SLC35A1: variants seen among roughly 807,000 people sequenced by gnomAD.
SLC35A1 encodes the protein CMP-sialic acid transporter.
In SLC35A1, 21 loss-of-function variants were observed where a neutral mutation model predicts 40.3. That is an observed-to-expected ratio of 0.52 (90% confidence interval 0.37 to 0.75). The LOEUF (loss-of-function observed/expected upper bound fraction) is 0.75. Ranked by LOEUF, SLC35A1 falls within the 30% of genes least tolerant of loss-of-function variation. The pLI is 0.00. For missense variants in SLC35A1, 297 were observed against 382.1 expected (o/e 0.78, Z 1.86); for synonymous variants, 146 against 147.3 (o/e 0.99, Z 0.06).
At chr6:87,486,886 A>G (rs1769406785) in intron 2 of SLC35A1, among the ~76,000 whole-genome samples, 1 of 152,104 alleles carries the variant, frequency 6.6e-6, no homozygotes, top group Admixed American at 6.6e-5. Flanking sequence ...TAGAAAAATC[A>G]TTGAGTGGAG....
intron 2 of SLC35A1, among the ~76,000 whole-genome samples, chr6:87,480,475 C>G (rs1414768856): frequency 1.3e-5 from 2 of 152,178 alleles, no homozygotes; most frequent in Non-Finnish European, 2.9e-5. Context: ...GCATTTACAT[C>G]TTTATACCCT....
chr6:87,499,253 C>T, intron 2 of SLC35A1: 1 of 294,208 alleles, frequency 3.4e-6, no homozygotes, highest in South Asian at 1.3e-4. Flanking sequence ...AAAAATTCAA[C>T]TCACAACTGT....
chr6:87,505,703 A>G (rs1770058551), intron 4 of SLC35A1, among the ~76,000 whole-genome samples: 1 of 152,198 alleles, frequency 6.6e-6, no homozygotes, highest in South Asian at 2.1e-4. Context: ...GGCTGAACTC[A>G]TCCTTTTTAT....
intron 2 of SLC35A1, among the ~76,000 whole-genome samples, chr6:87,496,791 A>AC (rs1554166043): frequency 7.2e-6 from 1 of 139,188 alleles, no homozygotes; most frequent in Non-Finnish European, 1.5e-5. Flanking sequence ...AAAAAAAAAA[A>AC]AAAGAAAAAC....
intron 2 of SLC35A1, among the ~76,000 whole-genome samples, chr6:87,496,388 A>G (rs1183889167): frequency 1.3e-5 from 2 of 152,222 alleles, no homozygotes; most frequent in Non-Finnish European, 2.9e-5. Context: ...TTGATTATAT[A>G]CGCTCTTTTG....
Position 87,511,420 on chromosome 6 carries a change from CTCT to C in SLC35A1, c.913_915del (p.Leu305del). ...TCAGCACTCACCTTTGCCCTGGGTA[CTCT>C]TCTTGTATGTGTTTCCATATATCTC... On this transcript the variant is annotated inframe_deletion, in exon 8 of 8. Transcript: ENST00000369552. The C allele has an allele frequency of 6.2e-7, 1 of 1,613,522 alleles. No individual in the cohort carries two copies. The highest frequency in any genetic ancestry group is 8.5e-7 in the Non-Finnish European group (1 of 1,179,714).
intron 7 of SLC35A1, among the ~76,000 whole-genome samples, chr6:87,511,182 A>C (rs1441742491): frequency 6.6e-6 from 1 of 152,108 alleles, no homozygotes; most frequent in African/African-American, 2.4e-5. Context: ...AAAAGTCTGT[A>C]ATCAGTGATC....
intron 2 of SLC35A1, chr6:87,499,049 A>C: frequency 9.9e-6 from 8 of 806,460 alleles, no homozygotes; most frequent in South Asian, 5.7e-5. Flanking sequence ...GGTAATACAA[A>C]GAGATCTGTA....
chr6:87,494,337 TTC>T (rs1769651433), intron 2 of SLC35A1, among the ~76,000 whole-genome samples: 3 of 152,224 alleles, frequency 2.0e-5, no homozygotes, highest in Admixed American at 2.0e-4. Flanking sequence ...AATTAGTAAA[TTC>T]TGTTTTGAGG....
intron 2 of SLC35A1, among the ~76,000 whole-genome samples, chr6:87,492,317 C>CTA (rs1769577479): frequency 6.6e-6 from 1 of 151,938 alleles, no homozygotes; most frequent in Admixed American, 6.6e-5. Flanking sequence ...TGTCATGTCT[C>CTA]TAGTTTCTTT....
In SLC35A1 at chr6:87,472,985, G is replaced by T. The variant is rs985183143; in HGVS notation, c.-19G>T. On this transcript the variant is annotated 5_prime_UTR_variant, in exon 1 of 8. Coordinates refer to ENST00000369552, the MANE Select transcript of SLC35A1 (RefSeq NM_006416.5). ...CGGAGGGGGCGGGCGTCAGTTCCGCGGGGGGCTGTCGGGGAACCATGGCTG... is the reference window on the plus strand; with the variant it reads ...CGGAGGGGGCGGGCGTCAGTTCCGCTGGGGGCTGTCGGGGAACCATGGCTG... The T allele has an allele frequency of 9.0e-6, 6 of 668,044 alleles. No individual in the cohort carries two copies. Among genetic ancestry groups the T allele is most frequent in the East Asian group, 3.4e-5 (1 of 29,694 alleles). 41.4% of individuals were successfully genotyped at this position (668,044 alleles called of 1,614,324 possible).
chr6:87,475,629 G>A (rs570386314), intron 1 of SLC35A1, among the ~76,000 whole-genome samples: 19 of 152,092 alleles, frequency 1.2e-4, no homozygotes, highest in Admixed American at 2.6e-4. Context: ...TAATGCACTC[G>A]GGAAAATATT....
chr6:87,489,661 T>C (rs1769487984), intron 2 of SLC35A1, among the ~76,000 whole-genome samples: 2 of 150,018 alleles, frequency 1.3e-5, no homozygotes, highest in East Asian at 4.0e-4. Context: ...CCTGCCTCAG[T>C]CTCCTGACTA....
At chr6:87,477,237 G>T in intron 1 of SLC35A1, 125 bp from the exon 2 acceptor site, 4 of 888,746 alleles carry the variant, frequency 4.5e-6, no homozygotes, top group Non-Finnish European at 5.1e-6. Flanking sequence ...AAATTTTTAA[G>T]CATGAGTTTT....
chr6:87,493,569 G>A (rs1769624648), intron 2 of SLC35A1, among the ~76,000 whole-genome samples: 1 of 151,888 alleles, frequency 6.6e-6, no homozygotes, highest in African/African-American at 2.4e-5. Flanking sequence ...ACCCATGTTT[G>A]TTCCCTTATC....
At chr6:87,504,751 A>G (rs1218596853) in intron 4 of SLC35A1, among the ~76,000 whole-genome samples, 1 of 152,140 alleles carries the variant, frequency 6.6e-6, no homozygotes, top group Non-Finnish European at 1.5e-5. Context: ...TATTTTTCCT[A>G]ACTGTAGAGA....
chr6:87,477,752 A>T (rs1769117565), intron 2 of SLC35A1, among the ~76,000 whole-genome samples: 1 of 152,200 alleles, frequency 6.6e-6, no homozygotes, highest in Non-Finnish European at 1.5e-5. Flanking sequence ...GCTGCTAAAC[A>T]TCCTGCAATC....
intron 2 of SLC35A1, among the ~76,000 whole-genome samples, chr6:87,481,417 CAAA>C (rs200106266): frequency 3.4e-5 from 4 of 116,832 alleles, no homozygotes; most frequent in Admixed American, 9.1e-5. Flanking sequence ...AACTCTGACT[CAAA>C]AAAAAAAAAA....
chr6:87,478,353 T>C (rs1175596253), intron 2 of SLC35A1, among the ~76,000 whole-genome samples: 2 of 152,108 alleles, frequency 1.3e-5, no homozygotes, highest in African/African-American at 4.8e-5. Flanking sequence ...GAAAATAATA[T>C]GGGGTGCTGA....
Sources: gnomAD v4.1 joint callset for allele counts (sites outside exome capture counted in the v4.1 genomes callset) on GRCh38, gnomAD v4.1.1 for gene constraint, MANE v1.5 for transcripts, NCBI Gene and HGNC (gene_info 2026-07-23, HGNC 2026-07-21) for gene names.